Variants in KDM2B observed in about 807,000 individuals in gnomAD.
The protein encoded by KDM2B is lysine demethylase 2B.
A neutral mutation model predicts 150.0 loss-of-function variants in KDM2B; 26 were observed. The observed-to-expected ratio is 0.17, with a 90% CI of 0.13 to 0.24. The LOEUF is 0.24. Ranked by LOEUF, KDM2B falls within the 10% of genes least tolerant of loss-of-function variation. KDM2B has a pLI of 1.00. For synonymous variants in KDM2B, 734 were observed against 729.5 expected (o/e 1.01, Z -0.10); for missense variants, 1,265 against 1,816.9 (o/e 0.70, Z 5.52).
intron 14 of KDM2B, chr12:121,444,875 T>G: frequency 2.2e-6 from 1 of 446,362 alleles, no homozygotes; most frequent in Non-Finnish European, 4.2e-6. Context: ...GCGCCTGGCA[T>G]GCAGAAAGGA....
chr12:121,541,225 T>G (rs1369670997), intron 6 of KDM2B, among the ~76,000 whole-genome samples: 2 of 151,322 alleles, frequency 1.3e-5, no homozygotes, highest in African/African-American at 2.4e-5. Flanking sequence ...AGAGTGAAAC[T>G]CCACTCAAAA....
chr12:121,437,947 C>T (rs187526134), intron 22 of KDM2B, among the ~76,000 whole-genome samples: 2 of 151,596 alleles, frequency 1.3e-5, no homozygotes, highest in East Asian at 3.9e-4. Context: ...CCTTAGTATA[C>T]TTCACAGCTC....
intron 11 of KDM2B, among the ~76,000 whole-genome samples, chr12:121,502,019 T>A (rs546374488): frequency 6.6e-6 from 1 of 152,296 alleles, no homozygotes; most frequent in African/African-American, 2.4e-5. Flanking sequence ...GCCGCATCAA[T>A]GAACAGGTGT....
At position 121,444,229 on chromosome 12, in the gene KDM2B, C is replaced by T; in HGVS notation, c.2234G>A (p.Gly745Asp). Residue 745 changes from glycine to aspartate, a missense_variant, in exon 16 of 23, where the codon GGC becomes GAC. Physicochemically the swap from Gly to Asp is moderately conservative, Grantham distance 94. Transcript: ENST00000377071. ...CATCTTCTGCTCCTTGAGCAGGGAG[C>T]CGGGCAGGTTGGAGGCGTACTTAAA... Reference protein sequence around the residue: ...PGFKYASNLPGSLLKEQKMNR... With the variant: ...PGFKYASNLPDSLLKEQKMNR... 6.2e-7 allele frequency: 1 copy of T among 1,613,720 alleles called. No individual in the cohort carries two copies. Among genetic ancestry groups the T allele is most frequent in the Non-Finnish European group, 8.5e-7 (1 of 1,180,046 alleles).
chr12:121,530,990 C>T (rs1468836588), intron 8 of KDM2B, among the ~76,000 whole-genome samples: 2 of 152,114 alleles, frequency 1.3e-5, no homozygotes, highest in Non-Finnish European at 2.9e-5. Context: ...GACCAGCTAA[C>T]GTCACAGAGT....
chr12:121,413,416 T>TG, the KDM2B span, among the ~76,000 whole-genome samples: 1 of 39,428 alleles, frequency 2.5e-5, no homozygotes, highest in Non-Finnish European at 4.9e-5. Context: ...TTACCTGTCC[T>TG]TTTTTTTTTT....
intron 4 of KDM2B, among the ~76,000 whole-genome samples, chr12:121,557,010 C>T (rs1349219563): frequency 3.3e-5 from 5 of 151,976 alleles, no homozygotes; most frequent in Non-Finnish European, 5.9e-5. Context: ...AGGGAAGGCA[C>T]TAACCAGAAA....
At chr12:121,440,787 CCA>C in intron 21 of KDM2B, 27 bp downstream of exon 21, 1 of 1,582,248 alleles carries the variant, frequency 6.3e-7, no homozygotes, top group Non-Finnish European at 8.6e-7. Flanking sequence ...CACCCCACCC[CCA>C]CAGAAACCCC....
At chr12:121,496,866 T>C (rs1435386432) in intron 11 of KDM2B, among the ~76,000 whole-genome samples, 1 of 151,820 alleles carries the variant, frequency 6.6e-6, no homozygotes, top group Non-Finnish European at 1.5e-5. Flanking sequence ...ATTATAGGTG[T>C]GAGCCCCCCA....
intron 22 of KDM2B, chr12:121,433,208 C>G (rs1873359768): frequency 2.2e-6 from 1 of 456,704 alleles, no homozygotes; most frequent in Non-Finnish European, 4.4e-6. Context: ...AACAAAGAAG[C>G]TAGAAGGAAA....
chr12:121,496,808 C>A (rs60035585), intron 11 of KDM2B, among the ~76,000 whole-genome samples: 3,658 of 151,698 alleles, frequency 0.024, 143 homozygotes, highest in African/African-American at 0.085. Flanking sequence ...CGAGTGTGAG[C>A]CTCCCAAAGT....
At position 121,430,303 on chromosome 12, in the gene KDM2B, CAGG is replaced by C. The variant is rs1314812636; in HGVS notation, c.3993_3995del (p.Leu1332del). On this transcript the variant is annotated inframe_deletion, in exon 23 of 23. Transcript: ENST00000377071. This position sits in a 1 kb window ranked among gnomAD's most constrained non-coding sequence, Gnocchi z 4.4. ...TATCCTTGGACTAACTCAGTTTTTG[CAGG>C]AGTTTTTCTTCTACTTGCCCAAACT... 3.1e-6 allele frequency: 5 copies of C among 1,614,054 alleles called. No homozygotes were observed. The African/African-American group carries it at 4.0e-5, about 13-fold the overall frequency.
intron 12 of KDM2B, chr12:121,494,310 A>G (rs1204474230): frequency 2.5e-6 from 1 of 402,990 alleles, no homozygotes; most frequent in South Asian, 3.1e-5. Flanking sequence ...CAGAAAATCC[A>G]CCTAACCACA....
intron 2 of KDM2B, among the ~76,000 whole-genome samples, chr12:121,578,460 G>C (rs1271601509): frequency 3.3e-5 from 5 of 152,168 alleles, no homozygotes; most frequent in African/African-American, 1.2e-4. Context: ...GCAGCGCAGG[G>C]AGCGCGACCG....
chr12:121,449,763 T>C (rs554760407), intron 13 of KDM2B, among the ~76,000 whole-genome samples: 13 of 151,710 alleles, frequency 8.6e-5, no homozygotes, highest in African/African-American at 2.7e-4. Context: ...AAAATGCACA[T>C]CCATGCATGC....
At chr12:121,486,569 A>G (rs181195560) in intron 12 of KDM2B, among the ~76,000 whole-genome samples, 32 of 151,958 alleles carry the variant, frequency 2.1e-4, no homozygotes, top group African/African-American at 7.5e-4. Context: ...GGCAGAGCAC[A>G]TGAGGTCAGG....
Position 121,442,798 on chromosome 12 carries a change from C to T in KDM2B, c.2643G>A (p.Leu881=). 6.5e-7 allele frequency: 1 copy of T among 1,534,096 alleles called. No homozygotes were observed. The highest frequency in any genetic ancestry group is 8.7e-7 in the Non-Finnish European group (1 of 1,147,064). ...SWKNAEDRMA[L]ANKPLRRFKQ... is the part of the protein sequence containing the mutation. ...TGAAGCGCCGGAGGGGCTTGTTGGCCAGCGCCATGCGGTCCTCGGCGTTCT... is the reference window on the plus strand; with the variant it reads ...TGAAGCGCCGGAGGGGCTTGTTGGCTAGCGCCATGCGGTCCTCGGCGTTCT... Residue 881 remains leucine, a synonymous_variant, in exon 19 of 23, where the codon CTG becomes CTA. Coordinates refer to ENST00000377071, the MANE Select transcript of KDM2B (RefSeq NM_032590.5). This position sits in a 1 kb window ranked among gnomAD's most constrained non-coding sequence, Gnocchi z 7.7.
chr12:121,439,182 C>T (rs1388432194), intron 22 of KDM2B, among the ~76,000 whole-genome samples: 1 of 152,136 alleles, frequency 6.6e-6, no homozygotes, highest in African/African-American at 2.4e-5. Context: ...AGAAACCAAG[C>T]TCCCTCCTGC....
intron 9 of KDM2B, among the ~76,000 whole-genome samples, chr12:121,517,448 A>C (rs1886312055): frequency 6.6e-6 from 1 of 151,000 alleles, no homozygotes; most frequent in Non-Finnish European, 1.5e-5. Context: ...ACCTTGGGCC[A>C]CAAAGGCAAA....
Sources: allele counts gnomAD v4.1 joint callset (sites outside exome capture counted in the v4.1 genomes callset), GRCh38; gene constraint gnomAD v4.1.1; non-coding constraint Gnocchi (gnomAD v3.1); transcripts MANE v1.5; gene names NCBI Gene and HGNC (gene_info 2026-07-23, HGNC 2026-07-21).